Variants in SNTG2 observed in about 807,000 individuals in gnomAD.
The protein encoded by SNTG2 is syntrophin gamma 2, also known as gamma-2-syntrophin.
Under a neutral mutation model 70.9 loss-of-function variants are expected in SNTG2, and 74 were observed. The ratio of observed to expected loss-of-function variants is 1.04; its 90% CI spans 0.86 to 1.27. SNTG2 has a LOEUF of 1.27. SNTG2 is among the 50% of genes most tolerant of loss of function. The pLI is 0.00. For synonymous variants in SNTG2, 278 were observed against 273.8 expected (o/e 1.02, Z -0.15); for missense variants, 717 against 690.7 (o/e 1.04, Z -0.43).
intron 8 of SNTG2, among the ~76,000 whole-genome samples, chr2:1,207,351 A>C (rs1463890541): frequency 1.3e-5 from 2 of 152,244 alleles, no homozygotes; most frequent in East Asian, 1.9e-4. Context: ...GCTATTGGCC[A>C]TGGAATTAAT....
chr2:1,147,487 T>G (rs1364113185), intron 6 of SNTG2, among the ~76,000 whole-genome samples: 1 of 152,230 alleles, frequency 6.6e-6, no homozygotes, highest in East Asian at 1.9e-4. Context: ...TTCCTGCCCT[T>G]GAACATCAGA....
At chr2:1,282,905 C>A (rs57954910) in intron 14 of SNTG2, among the ~76,000 whole-genome samples, 50,551 of 152,140 alleles carry the variant, frequency 0.33, 8,896 homozygotes, top group Middle Eastern at 0.45. Flanking sequence ...CACACAGATG[C>A]CGTTTGCTAC....
Position 1,083,571 on chromosome 2 carries a change from C to T in SNTG2, c.126C>T (p.Asp42=), listed in dbSNP as rs1265990894. ...LYDEESENAY[D]IRLKLTKEVL... is the part of the protein sequence containing the mutation. ...ATGAAGAGTCCGAAAATGCCTATGA[C>T]ATCCGGCTGAAGCTGACGAAAGAGG... Residue 42 remains aspartate, a synonymous_variant, in exon 2 of 17, where the codon GAC becomes GAT. Coordinates refer to ENST00000308624, the MANE Select transcript of SNTG2 (RefSeq NM_018968.4). 1.2e-6 allele frequency: 2 copies of T among 1,613,754 alleles called. No individual in the cohort carries two copies. The highest frequency in any genetic ancestry group is 3.3e-5 in the Admixed American group (2 of 60,018).
chr2:1,062,658 C>T (rs1341654051), intron 1 of SNTG2, among the ~76,000 whole-genome samples: 6 of 152,162 alleles, frequency 3.9e-5, no homozygotes, highest in Admixed American at 3.9e-4. Flanking sequence ...TTCTGTGGTA[C>T]ATAAAATGTT....
intron 4 of SNTG2, among the ~76,000 whole-genome samples, chr2:1,099,258 C>T (rs1265810754): frequency 6.6e-6 from 1 of 152,066 alleles, no homozygotes; most frequent in Non-Finnish European, 1.5e-5. Context: ...TAGCTTATGT[C>T]CTTGAGGCCT....
intron 13 of SNTG2, 36 bp from the exon 14 acceptor site, chr2:1,267,321 ACCTTCCAG>A (rs751149214): frequency 1.3e-6 from 2 of 1,531,152 alleles, no homozygotes; most frequent in Non-Finnish European, 1.8e-6. Context: ...CATGGGAATG[ACCTTCCAG>A]CGCTGCACGT....
intron 8 of SNTG2, among the ~76,000 whole-genome samples, chr2:1,184,107 G>A (rs1234908645): frequency 6.6e-6 from 1 of 152,116 alleles, no homozygotes; most frequent in Non-Finnish European, 1.5e-5. Context: ...ACTTCTATGG[G>A]CCCCCAGTCC....
At position 1,006,478 on chromosome 2, in the gene SNTG2, T is replaced by C. The variant is rs1346793378; in HGVS notation, c.72+55410T>C. Among the ~76,000 whole-genome samples the C allele has an allele frequency of 2.0e-5, 3 of 152,162 alleles. No individual in the cohort carries two copies. In the East Asian group the frequency reaches 5.8e-4, roughly 29 times the overall value. Reference sequence around the variant, plus strand: ...TTTGGTGAAAAATTCCTTTTTTATTTTGAGTGGACCTCAGTATCATCATTT... The same window carrying C: ...TTTGGTGAAAAATTCCTTTTTTATTCTGAGTGGACCTCAGTATCATCATTT... On this transcript the variant is annotated intron_variant, in intron 1 of 16. Transcript: ENST00000308624.
At chr2:1,268,759 G>C (rs2148186272) in intron 14 of SNTG2, among the ~76,000 whole-genome samples, 1 of 152,312 alleles carries the variant, frequency 6.6e-6, no homozygotes, top group Non-Finnish European at 1.5e-5. Context: ...AGCACTAAAG[G>C]TTCAAGTCGT....
chr2:1,037,951 A>G (rs1425026679), intron 1 of SNTG2, among the ~76,000 whole-genome samples: 1 of 152,062 alleles, frequency 6.6e-6, no homozygotes, highest in Non-Finnish European at 1.5e-5. Context: ...TCTCTTGGGT[A>G]TGTACTTGGG....
intron 9 of SNTG2, among the ~76,000 whole-genome samples, chr2:1,230,125 G>A (rs772726255): frequency 3.3e-5 from 5 of 152,246 alleles, no homozygotes; most frequent in Non-Finnish European, 7.3e-5. Context: ...AGCGAGCGAG[G>A]GCTGTGAGTA....
intron 15 of SNTG2, among the ~76,000 whole-genome samples, chr2:1,310,429 C>T (rs995348955): frequency 6.6e-6 from 1 of 152,204 alleles, no homozygotes; most frequent in Admixed American, 6.5e-5. Flanking sequence ...GCTAGAGGGT[C>T]TCAGCACAGG....
intron 1 of SNTG2, among the ~76,000 whole-genome samples, chr2:988,929 A>G (rs1005590631): frequency 6.6e-6 from 1 of 152,122 alleles, no homozygotes; most frequent in African/African-American, 2.4e-5. Flanking sequence ...ATGTTTTACA[A>G]TTTTCGTTGC....
intron 1 of SNTG2, among the ~76,000 whole-genome samples, chr2:982,186 A>G (rs1661125709): frequency 2.6e-5 from 4 of 152,248 alleles, no homozygotes. Context: ...CAAAGCCCTA[A>G]ATAGAATCCT....
At chr2:1,351,770 G>A (rs928966382) in intron 16 of SNTG2, among the ~76,000 whole-genome samples, 6 of 152,174 alleles carry the variant, frequency 3.9e-5, no homozygotes, top group Non-Finnish European at 2.9e-5. Flanking sequence ...GCTCTGAAGT[G>A]TCTCTGACCT....
chr2:1,257,481 A>G (rs752225872), intron 12 of SNTG2, among the ~76,000 whole-genome samples: 1 of 152,188 alleles, frequency 6.6e-6, no homozygotes, highest in East Asian at 1.9e-4. Context: ...CACAGGGACG[A>G]ACAGAAAGGG....
intron 1 of SNTG2, among the ~76,000 whole-genome samples, chr2:995,472 A>G (rs1661647258): frequency 6.6e-6 from 1 of 151,962 alleles, no homozygotes; most frequent in African/African-American, 2.4e-5. Context: ...ATTGGCTTGT[A>G]TTTGGTTTAG....
At chr2:1,330,897 A>G (rs1251247366) in intron 16 of SNTG2, among the ~76,000 whole-genome samples, 1 of 152,166 alleles carries the variant, frequency 6.6e-6, no homozygotes, top group Non-Finnish European at 1.5e-5. Flanking sequence ...CAAGGCTGGC[A>G]TAGTCTATCA....
chr2:1,186,318 T>C (rs1293854206), intron 8 of SNTG2, among the ~76,000 whole-genome samples: 1 of 152,240 alleles, frequency 6.6e-6, no homozygotes, highest in African/African-American at 2.4e-5. Context: ...CTTATTTTCC[T>C]ATTTTCTGCT....
Sources: allele counts gnomAD v4.1 joint callset (sites outside exome capture counted in the v4.1 genomes callset), GRCh38; gene constraint gnomAD v4.1.1; transcripts MANE v1.5; gene names NCBI Gene and HGNC (gene_info 2026-07-23, HGNC 2026-07-21).